The following MATN2 variants were observed in gnomAD, a reference collection of about 807,000 sequenced individuals.
The protein encoded by MATN2 is matrilin 2, also known as matrilin-2.
Under a neutral mutation model 103.2 loss-of-function variants are expected in MATN2, and 69 were observed. That is an observed-to-expected ratio of 0.67 (90% CI 0.55 to 0.82). The LOEUF is 0.82. MATN2 is among the 40% of genes least tolerant of loss of function. MATN2 has a pLI of 0.00. For synonymous variants in MATN2, 429 were observed against 450.2 expected (o/e 0.95, Z 0.60); for missense variants, 1,023 against 1,211.5 (o/e 0.84, Z 2.31).
Position 98,033,112 on chromosome 8 carries a change from T to C in MATN2, c.2652T>C (p.Tyr884=), listed in dbSNP as rs772789526. Residue 884 remains tyrosine (Y), a synonymous_variant, in exon 17 of 19, where the codon TAT becomes TAC. Transcript: ENST00000254898. ...SCSNFAVQHR[Y]LFEEDNLLRS... ...CTAATTTTGCAGTGCAACACAGATA[T>C]CTGTTTGAAGAAGACAATCTTTTAC... 71 of 1,611,794 alleles carry C rather than the reference T, an allele frequency of 4.4e-5. 1 individual carries two copies. In the African/African-American group the frequency reaches 4.8e-4, roughly 11 times the overall value.
intron 12 of MATN2, among the ~76,000 whole-genome samples, chr8:98,020,145 TTTTG>T (rs1034612853): frequency 8.0e-5 from 12 of 150,428 alleles, no homozygotes; most frequent in Non-Finnish European, 1.5e-4. Context: ...ATGCTTTTCT[TTTTG>T]TTTGTTTTTG....
At chr8:97,903,517 G>T (rs1335692962) in intron 2 of MATN2, among the ~76,000 whole-genome samples, 1 of 152,166 alleles carries the variant, frequency 6.6e-6, no homozygotes, top group African/African-American at 2.4e-5. Context: ...TGGATGGGTG[G>T]ACAAATGGAA....
At chr8:97,947,752 C>T (rs1365560664) in intron 4 of MATN2, among the ~76,000 whole-genome samples, 2 of 152,012 alleles carry the variant, frequency 1.3e-5, no homozygotes, top group Non-Finnish European at 2.9e-5. Flanking sequence ...TTTTAGAAAT[C>T]GACAACTGAT....
chr8:97,902,931 G>C (rs775483398), intron 2 of MATN2, among the ~76,000 whole-genome samples: 7 of 152,206 alleles, frequency 4.6e-5, no homozygotes, highest in Non-Finnish European at 1.0e-4. Flanking sequence ...TCTTGGTGCA[G>C]ATGCTGGGTT....
In MATN2 at chr8:98,007,594, G is replaced by T. The variant is rs765302083; in HGVS notation, c.1566G>T (p.Thr522=). 1.2e-6 allele frequency: 2 copies of T among 1,610,996 alleles called. No homozygotes were observed. The highest frequency in any genetic ancestry group is 3.3e-5 in the Admixed American group (2 of 59,952). Reference sequence around the variant, plus strand: ...ACGTGCTCCGCAGCGATGGGAAGACGTGTGCAAGTAAGTGTCTGAAGGACA... The same window carrying T: ...ACGTGCTCCGCAGCGATGGGAAGACTTGTGCAAGTAAGTGTCTGAAGGACA... ...EGHVLRSDGK[T]CAKLDSCALG... Residue 522 remains threonine, a synonymous_variant, in exon 10 of 19, where the codon ACG becomes ACT. Coordinates refer to ENST00000254898, the MANE Select transcript of MATN2 (RefSeq NM_002380.5). This position sits in a 1 kb window ranked among gnomAD's most constrained non-coding sequence, Gnocchi z 4.2.
chr8:97,890,586 A>C (rs976149029), intron 2 of MATN2, among the ~76,000 whole-genome samples: 1 of 152,144 alleles, frequency 6.6e-6, no homozygotes. Flanking sequence ...GATGGGGAAC[A>C]AAAATGGAAA....
chr8:97,948,769 T>C (rs1445377263), intron 4 of MATN2, among the ~76,000 whole-genome samples: 1 of 152,180 alleles, frequency 6.6e-6, no homozygotes, highest in Admixed American at 6.5e-5. Flanking sequence ...AATACCATGA[T>C]GAAATGGTAG....
intron 7 of MATN2, among the ~76,000 whole-genome samples, chr8:97,995,622 G>C (rs966288340): frequency 1.3e-5 from 2 of 152,242 alleles, no homozygotes; most frequent in Admixed American, 1.3e-4. Context: ...TGTTCTGCCT[G>C]GCAAGACTGC....
At chr8:97,880,083 C>CTTT (rs5893432) in intron 1 of MATN2, among the ~76,000 whole-genome samples, 2 of 108,648 alleles carry the variant, frequency 1.8e-5, no homozygotes. Flanking sequence ...ATCTTTCTTT[C>CTTT]TTTTTTTTTT....
intron 4 of MATN2, among the ~76,000 whole-genome samples, chr8:97,947,893 A>G (rs1158182857): frequency 6.6e-6 from 1 of 152,248 alleles, no homozygotes; most frequent in East Asian, 1.9e-4. Context: ...TTGCTCCTAG[A>G]TGAAATACAG....
chr8:97,947,773 A>G (rs1810802277), intron 4 of MATN2, among the ~76,000 whole-genome samples: 1 of 152,216 alleles, frequency 6.6e-6, no homozygotes, highest in Non-Finnish European at 1.5e-5. Context: ...TTTAAAATAT[A>G]CATGAACATG....
chr8:97,998,519 CAAA>C (rs58751449), intron 7 of MATN2, among the ~76,000 whole-genome samples: 1,174 of 111,162 alleles, frequency 0.011, 11 homozygotes, highest in African/African-American at 0.032. Context: ...GACTCTGTCT[CAAA>C]AAAAAAAAAA....
chr8:97,908,821 G>A (rs1212534179), intron 2 of MATN2, among the ~76,000 whole-genome samples: 1 of 152,160 alleles, frequency 6.6e-6, no homozygotes, highest in East Asian at 1.9e-4. Context: ...TAGAGACAGG[G>A]TTTTGCCATG....
intron 8 of MATN2, among the ~76,000 whole-genome samples, 200 bp from the exon 9 acceptor site, chr8:98,006,905 T>C (rs186747601): frequency 1.4e-3 from 212 of 152,242 alleles, no homozygotes; most frequent in African/African-American, 3.7e-3. Flanking sequence ...AGCCGAGATC[T>C]CGCCACTGCA....
intron 7 of MATN2, among the ~76,000 whole-genome samples, chr8:97,996,571 T>A (rs978232228): frequency 2.0e-5 from 3 of 152,202 alleles, no homozygotes; most frequent in African/African-American, 7.2e-5. Context: ...AGTGTCCTCA[T>A]CAGCCCTCGC....
chr8:97,930,152 C>T (rs1810129659), intron 2 of MATN2, among the ~76,000 whole-genome samples: 1 of 152,196 alleles, frequency 6.6e-6, no homozygotes, highest in South Asian at 2.1e-4. Context: ...TCTCCTTGAC[C>T]CCAGCCCATT....
In MATN2 at chr8:97,905,273, CAT is replaced by C. The variant is rs750784408; in HGVS notation, c.142+17032_142+17033del. On this transcript the variant is annotated intron_variant, in intron 2 of 18. Transcript: ENST00000254898. ...TTGACTATTTTAACCGTTTATAGTACATGTTTGATGGTATTGAGAAAATTTAC... is the reference window on the plus strand; with the variant it reads ...TTGACTATTTTAACCGTTTATAGTACGTTTGATGGTATTGAGAAAATTTAC... 3.9e-5 allele frequency among the ~76,000 whole-genome samples: 6 copies of C among 152,224 alleles called. No individual in the cohort carries two copies. In the East Asian group the frequency reaches 9.6e-4, roughly 24 times the overall value.
rs892663998 is a variant in MATN2 at position 97,888,206 on chromosome 8, A to T, written c.106A>T (p.Arg36Ter). 6.2e-7 allele frequency: 1 copy of T among 1,601,456 alleles called. No homozygotes were observed. The highest frequency in any genetic ancestry group is 1.3e-5 in the African/African-American group (1 of 74,608). Residue 36 changes from arginine to a stop codon, truncating the protein, a stop_gained, in exon 2 of 19, where the codon AGA becomes TGA. Transcript: ENST00000254898. LOFTEE classifies it high-confidence loss of function. ...RSRGRSISRG[R>*]HARTHPQTAL... ...ACGTGGGAGGTCCATCTCTAGGGGC[A>T]GACACGCTCGGACCCACCCGCAGAC... is the stretch of plus-strand genomic sequence containing the variant.
At chr8:97,955,494 C>A (rs181018966) in intron 4 of MATN2, among the ~76,000 whole-genome samples, 1 of 152,292 alleles carries the variant, frequency 6.6e-6, no homozygotes, top group East Asian at 1.9e-4. Context: ...TCTAAAAATT[C>A]ATCTTTGCTA....
Sources: gnomAD v4.1 joint callset for allele counts (sites outside exome capture counted in the v4.1 genomes callset) on GRCh38, gnomAD v4.1.1 for gene constraint, Gnocchi (gnomAD v3.1) non-coding constraint, MANE v1.5 for transcripts, NCBI Gene and HGNC (gene_info 2026-07-23, HGNC 2026-07-21) for gene names.